The following ZNF718 variants were observed in gnomAD, a reference collection of about 807,000 sequenced individuals.
ZNF718 encodes the protein zinc finger protein 718.
ZNF718 carries 3 observed loss-of-function variants against 2.6 expected under a neutral mutation model. The ratio of observed to expected loss-of-function variants is 1.16; its 90% CI spans 0.53 to 3.01. The LOEUF (loss-of-function observed/expected upper bound fraction) is 3.01, where lower values mean the gene tolerates loss of function less well. ZNF718 is among the 30% of genes most tolerant of loss of function. ZNF718 has a pLI of 0.03. For synonymous variants in ZNF718, 135 were observed against 77.9 expected (o/e 1.73, Z -3.86); for missense variants, 468 against 230.0 (o/e 2.03, Z -6.69).
At chr4:174,676 C>T (rs1313198768) in intron 3 of ZNF718, among the ~76,000 whole-genome samples, 3 of 152,166 alleles carry the variant, frequency 2.0e-5, no homozygotes, top group African/African-American at 2.4e-5. Context: ...CTATAACTAC[C>T]TTCTGATCTT....
At chr4:133,565 A>G (rs577169139) in intron 3 of ZNF718, among the ~76,000 whole-genome samples, 3 of 152,208 alleles carry the variant, frequency 2.0e-5, no homozygotes, top group South Asian at 4.1e-4. Context: ...ACATACCTAT[A>G]TAAGTTATAT....
intron 3 of ZNF718, among the ~76,000 whole-genome samples, chr4:140,017 C>CT (rs1292799688): frequency 7.2e-4 from 107 of 149,116 alleles, no homozygotes; most frequent in South Asian, 3.6e-3. Context: ...GGGGGAATGA[C>CT]TTTTTTTTTT....
At chr4:179,190 T>C (rs565225980) in intron 3 of ZNF718, among the ~76,000 whole-genome samples, 2 of 152,320 alleles carry the variant, frequency 1.3e-5, no homozygotes, top group East Asian at 3.9e-4. Flanking sequence ...AAAAATTATT[T>C]GATAATATTC....
At chr4:192,577 G>T (rs1553821397) in intron 3 of ZNF718, among the ~76,000 whole-genome samples, 1 of 152,136 alleles carries the variant, frequency 6.6e-6, no homozygotes, top group Non-Finnish European at 1.5e-5. Context: ...CCCAAGTGCT[G>T]TTGGTGAGGT....
chr4:126,922 G>C (rs1455711132), intron 1 of ZNF718, among the ~76,000 whole-genome samples: 3 of 151,860 alleles, frequency 2.0e-5, no homozygotes, highest in Non-Finnish European at 4.4e-5. Context: ...CACCTCCCAG[G>C]TTCAAGCGAT....
chr4:158,084 C>G (rs2108800715), intron 3 of ZNF718, among the ~76,000 whole-genome samples: 1 of 152,134 alleles, frequency 6.6e-6, no homozygotes, highest in African/African-American at 2.4e-5. Flanking sequence ...TAAATGAACA[C>G]TTTCATTATT....
chr4:151,077 C>T (rs535218765), intron 3 of ZNF718, among the ~76,000 whole-genome samples: 1 of 152,034 alleles, frequency 6.6e-6, no homozygotes, highest in African/African-American at 2.4e-5. Flanking sequence ...GTCTCACTAA[C>T]AATTGTTAGT....
At chr4:165,922 A>G (rs191908142), downstream of ZNF718, among the ~76,000 whole-genome samples, 10 of 152,120 alleles carry the variant, frequency 6.6e-5, no homozygotes, top group Admixed American at 2.0e-4. Flanking sequence ...ATATGTATAC[A>G]TGTGCACATG....
At chr4:147,410 G>A (rs1553811599) in intron 3 of ZNF718, among the ~76,000 whole-genome samples, 1 of 152,078 alleles carries the variant, frequency 6.6e-6, no homozygotes, top group Admixed American at 6.5e-5. Context: ...TTGGATCTCT[G>A]GACTGATGCG....
chr4:199,994 A>G (rs1021749897), intron 3 of ZNF718, among the ~76,000 whole-genome samples: 1 of 152,262 alleles, frequency 6.6e-6, no homozygotes, highest in African/African-American at 2.4e-5. Flanking sequence ...TGAGAAAACA[A>G]TGGAAAAATT....
chr4:178,442 T>C lies in ZNF718; in HGVS notation c.227-22639T>C, dbSNP rs185262097. Among the ~76,000 whole-genome samples the C allele has an allele frequency of 3.3e-3, 509 of 152,256 alleles. 3 individuals are homozygous for C. The highest frequency in any genetic ancestry group is 5.5e-3 in the Non-Finnish European group (376 of 68,024). ...GCATGATCCACCACACCCAGCCATA[T>C]TTGATTTTTAATATCTTGGGAAACC... On this transcript the variant is annotated intron_variant and NMD_transcript_variant, in intron 3 of 4. Coordinates refer to the ZNF718 transcript ENST00000642529.
intron 3 of ZNF718, among the ~76,000 whole-genome samples, chr4:192,039 G>C (rs1297111839): frequency 2.0e-5 from 3 of 152,180 alleles, no homozygotes; most frequent in Non-Finnish European, 2.9e-5. Context: ...ACAATGGTGA[G>C]CCTCTAGCAC....
At position 130,112 on chromosome 4, in the gene ZNF718, G is replaced by A. The variant is rs1715315122; in HGVS notation, c.4-676G>A. Among the ~76,000 whole-genome samples the A allele has an allele frequency of 1.9e-5, 2 of 104,050 alleles. 1 individual carries two copies. The highest frequency in any genetic ancestry group is 4.3e-5 in the Non-Finnish European group (2 of 46,734). 68.3% of individuals were successfully genotyped at this position (104,050 alleles called of 152,430 possible). On this transcript the variant is annotated intron_variant, in intron 1 of 3. Coordinates refer to ENST00000510175, the MANE Select transcript of ZNF718 (RefSeq NM_001039127.6). Reference sequence around the variant, plus strand: ...TCTTCGGATGTAAAGTATTTGTGTCGTGATAAGGGTGTTGCAGTGAGGGAC... The same window carrying A: ...TCTTCGGATGTAAAGTATTTGTGTCATGATAAGGGTGTTGCAGTGAGGGAC...
chr4:178,828 C>T lies in ZNF718; in HGVS notation c.227-22253C>T, dbSNP rs568927541. The stretch of plus-strand genomic sequence containing the variant: ...CGAATAGATTACTTGCAATTTCTTC[C>T]CCATCTCCTGGTTGGCATTTGTACT... On this transcript the variant is annotated intron_variant and NMD_transcript_variant, in intron 3 of 4. Transcript: ENST00000642529. Among the ~76,000 whole-genome samples, 8 of 152,180 alleles carry T rather than the reference C, an allele frequency of 5.3e-5. No individual in the cohort carries two copies. The South Asian group carries it at 1.7e-3, about 32-fold the overall frequency.
chr4:127,118 C>G (rs1422381452), intron 1 of ZNF718, among the ~76,000 whole-genome samples: 2 of 107,894 alleles, frequency 1.9e-5, no homozygotes, highest in Non-Finnish European at 4.2e-5. Context: ...GCCACCGTGC[C>G]TGGCTGAAAA....
intron 3 of ZNF718, among the ~76,000 whole-genome samples, chr4:147,616 C>T (rs1292549815): frequency 6.6e-6 from 1 of 152,162 alleles, no homozygotes; most frequent in South Asian, 2.1e-4. Context: ...AAAATCCCAG[C>T]ACTTTGGGAG....
At chr4:189,244 G>A (rs1476217793) in intron 3 of ZNF718, among the ~76,000 whole-genome samples, 7 of 151,354 alleles carry the variant, frequency 4.6e-5, no homozygotes, top group African/African-American at 1.7e-4. Context: ...TGTTTTCATT[G>A]GGTATTTTGA....
rs781930685 is a variant in ZNF718 at position 161,978 on chromosome 4, C to CT, written c.1296dup (p.Lys433Ter). 20 of 779,922 alleles carry CT rather than the reference C, an allele frequency of 2.6e-5. No individual in the cohort carries two copies. The highest frequency in any genetic ancestry group is 4.1e-5 in the Non-Finnish European group (17 of 417,592). The allele number at this position is 779,922 out of a possible 1,614,324, so 48.3% of individuals were successfully genotyped here. A position where few individuals can be genotyped will look rare whatever the true frequency, so the allele number is the denominator to read the frequency against. ...ACATATGTAAACAATGTGGCAAAGC[C>CT]TTTAAACAGTCCTCACACTTGAATA... On this transcript the variant is annotated frameshift_variant, in exon 4 of 4. Transcript: ENST00000510175. LOFTEE classifies it low-confidence loss of function (END_TRUNC).
chr4:125,228 T>C (rs1715152095), intron 1 of ZNF718: 1 of 153,456 alleles, frequency 6.5e-6, no homozygotes, highest in African/African-American at 2.4e-5. Context: ...TGTTCCTGAA[T>C]ACGCTGGTGT....
Sources: allele counts gnomAD v4.1 joint callset (sites outside exome capture counted in the v4.1 genomes callset), GRCh38; gene constraint gnomAD v4.1.1; transcripts MANE v1.5; gene names NCBI Gene and HGNC (gene_info 2026-07-23, HGNC 2026-07-21).